Variants in MCC observed in about 807,000 individuals in gnomAD.
MCC encodes colorectal mutant cancer protein.
In MCC, 90 loss-of-function variants were observed where a neutral mutation model predicts 116.2. The observed-to-expected ratio is 0.77, with a 90% CI of 0.65 to 0.92. The LOEUF (loss-of-function observed/expected upper bound fraction) is 0.92. MCC is among the 40% of genes least tolerant of loss of function. MCC has a pLI of 0.00. For missense variants in MCC, 1,516 were observed against 1,312.2 expected, an observed-to-expected ratio of 1.16 and a Z score of -2.40; for synonymous variants, 578 against 510.5, an observed-to-expected ratio of 1.13 and a Z score of -1.78.
At chr5:113,267,716 A>C (rs1765471943) in intron 3 of MCC, among the ~76,000 whole-genome samples, 1 of 152,214 alleles carries the variant, frequency 6.6e-6, no homozygotes, top group African/African-American at 2.4e-5. Context: ...TAAGGGAGGC[A>C]ACGGGAGGCA....
At chr5:113,266,981 G>T (rs1765446186) in intron 3 of MCC, among the ~76,000 whole-genome samples, 1 of 152,182 alleles carries the variant, frequency 6.6e-6, no homozygotes, top group Admixed American at 6.5e-5. Flanking sequence ...CAGTTAGCAT[G>T]TGGCCTCGGG....
At chr5:113,389,354 C>A (rs1448440501) in intron 1 of MCC, among the ~76,000 whole-genome samples, 11 of 152,140 alleles carry the variant, frequency 7.2e-5, no homozygotes, top group African/African-American at 2.7e-4. Context: ...TCTGGGCTGG[C>A]CTTGAGACTG....
rs142423116 is a variant in MCC at position 113,200,295 on chromosome 5, A to C, written c.628-48873T>G. On this transcript the variant is annotated intron_variant, in intron 3 of 18. Coordinates refer to ENST00000408903, the MANE Select transcript of MCC (RefSeq NM_001085377.2). ...CATGAATTTGAAATTATAAAGGAAA[A>C]GTGATCTCATGCAAATATAGCAACA... Among the ~76,000 whole-genome samples, 221 of 152,322 alleles carry C rather than the reference A, an allele frequency of 1.5e-3. 4 individuals carry two copies. In the Middle Eastern group the frequency reaches 0.017, roughly 12 times the overall value.
At chr5:113,077,007 C>T (rs894727573) in intron 11 of MCC, among the ~76,000 whole-genome samples, 1 of 152,088 alleles carries the variant, frequency 6.6e-6, no homozygotes, top group African/African-American at 2.4e-5. Context: ...GGTTGCAATC[C>T]TAGTCTCTGA....
At chr5:113,060,400 G>A (rs186871100) in intron 14 of MCC, among the ~76,000 whole-genome samples, 38 of 152,120 alleles carry the variant, frequency 2.5e-4, no homozygotes, top group Admixed American at 5.2e-4. Flanking sequence ...TGATCTGCCC[G>A]CCTCAGCCTC....
chr5:113,156,226 T>C (rs1294896750), intron 3 of MCC, among the ~76,000 whole-genome samples: 1 of 152,216 alleles, frequency 6.6e-6, no homozygotes, highest in African/African-American at 2.4e-5. Flanking sequence ...TTCTGGCAAA[T>C]GAAGCTGATC....
chr5:113,282,977 A>T (rs1766107140), intron 3 of MCC, among the ~76,000 whole-genome samples: 1 of 152,228 alleles, frequency 6.6e-6, no homozygotes, highest in African/African-American at 2.4e-5. Context: ...AATGTCACAG[A>T]CATAATTCTT....
At chr5:113,397,399 C>T (rs1415459649) in intron 1 of MCC, among the ~76,000 whole-genome samples, 1 of 151,884 alleles carries the variant, frequency 6.6e-6, no homozygotes, top group African/African-American at 2.4e-5. Flanking sequence ...GTCTAATTCT[C>T]ATATCTGAAA....
chr5:113,050,296 G>A (rs1054723622), intron 15 of MCC, among the ~76,000 whole-genome samples: 1 of 152,124 alleles, frequency 6.6e-6, no homozygotes, highest in African/African-American at 2.4e-5. Context: ...CACTTCTGCT[G>A]GAGAGTAACT....
intron 3 of MCC, among the ~76,000 whole-genome samples, chr5:113,193,014 G>A (rs959504291): frequency 2.0e-5 from 3 of 152,138 alleles, no homozygotes; most frequent in African/African-American, 7.2e-5. Context: ...AGGCTTCCCC[G>A]GAAGGCTCTG....
chr5:113,046,794 C>G (rs1195637995), intron 16 of MCC, among the ~76,000 whole-genome samples: 1 of 151,622 alleles, frequency 6.6e-6, no homozygotes, highest in East Asian at 1.9e-4. Flanking sequence ...TACAGTACCG[C>G]ATGGCTGATG....
chr5:113,216,523 G>A (rs560925861), intron 3 of MCC, among the ~76,000 whole-genome samples: 2 of 152,306 alleles, frequency 1.3e-5, no homozygotes, highest in African/African-American at 4.8e-5. Context: ...CAAGGCCCAT[G>A]TCTTACAGAC....
chr5:113,252,640 C>T (rs189824416), intron 3 of MCC, among the ~76,000 whole-genome samples: 1 of 152,242 alleles, frequency 6.6e-6, no homozygotes, highest in African/African-American at 2.4e-5. Context: ...AAATGTAATG[C>T]ACTTGAATCA....
intron 3 of MCC, among the ~76,000 whole-genome samples, chr5:113,156,380 G>C (rs1760171083): frequency 6.6e-6 from 1 of 152,138 alleles, no homozygotes; most frequent in South Asian, 2.1e-4. Flanking sequence ...TGACTAGCAG[G>C]GTGGCTGGAA....
intron 2 of MCC, among the ~76,000 whole-genome samples, chr5:113,380,499 C>CTCATTCATTCATTCAT (rs113806132): frequency 2.6e-4 from 40 of 151,346 alleles, no homozygotes; most frequent in African/African-American, 9.0e-4. Flanking sequence ...CAGTGCATTG[C>CTCATTCATTCATTCAT]TCATTCATTC....
chr5:113,433,767 G>C (rs1234853825), intron 1 of MCC: 3 of 1,613,786 alleles, frequency 1.9e-6, no homozygotes, highest in Middle Eastern at 1.6e-4. Flanking sequence ...AGGCTGTTGG[G>C]GGGGCCCTTC....
chr5:113,142,169 G>A (rs1263702787), intron 5 of MCC, among the ~76,000 whole-genome samples: 1 of 147,062 alleles, frequency 6.8e-6, no homozygotes, highest in Non-Finnish European at 1.6e-5. Flanking sequence ...CCATTACTGT[G>A]ACTCTTGGTG....
At chr5:113,245,044 C>T (rs1376639997) in intron 3 of MCC, among the ~76,000 whole-genome samples, 1 of 152,172 alleles carries the variant, frequency 6.6e-6, no homozygotes, top group Admixed American at 6.5e-5. Flanking sequence ...CACATTCCAG[C>T]ACTTTGGGAG....
chr5:113,068,230 C>T, intron 12 of MCC, 47 bp from the exon 13 acceptor site: 1 of 1,455,634 alleles, frequency 6.9e-7, no homozygotes, highest in South Asian at 1.1e-5. Context: ...GAACAGCGGA[C>T]ACCTTCAATG....
Sources: allele counts gnomAD v4.1 joint callset (sites outside exome capture counted in the v4.1 genomes callset), GRCh38; gene constraint gnomAD v4.1.1; transcripts MANE v1.5; gene names NCBI Gene and HGNC (gene_info 2026-07-23, HGNC 2026-07-21).